STK35: variants seen among roughly 807,000 people sequenced by gnomAD.
STK35 encodes the protein serine/threonine kinase 35.
A neutral mutation model predicts 37.3 loss-of-function variants in STK35; 17 were observed. The ratio of observed to expected loss-of-function variants is 0.46; its 90% confidence interval spans 0.31 to 0.68. The LOEUF is 0.68. Ranked by LOEUF, STK35 falls within the 30% of genes least tolerant of loss-of-function variation. The pLI is 0.05. For missense variants in STK35, 595 were observed against 746.7 expected (o/e 0.80, Z 2.37); for synonymous variants, 385 against 319.1 (o/e 1.21, Z -2.20).
At chr20:2,136,319 G>A (rs900012367) in intron 3 of STK35, among the ~76,000 whole-genome samples, 2 of 152,220 alleles carry the variant, frequency 1.3e-5, no homozygotes, top group Non-Finnish European at 2.9e-5. Flanking sequence ...TGTAATGTCA[G>A]GAAAATCTGT....
intron 2 of STK35, among the ~76,000 whole-genome samples, 182 bp downstream of exon 2, chr20:2,103,547 C>G (rs959602211): frequency 3.3e-5 from 5 of 152,210 alleles, no homozygotes; most frequent in African/African-American, 1.2e-4. Context: ...GTCCTAAGAT[C>G]AGTCCCTGGG....
chr20:2,116,011 T>G (rs1985710329), intron 2 of STK35, among the ~76,000 whole-genome samples: 1 of 151,994 alleles, frequency 6.6e-6, no homozygotes, highest in South Asian at 2.1e-4. Context: ...GATGTACAGC[T>G]TTTGATGGTT....
At position 2,103,004 on chromosome 20, in the gene STK35, G is replaced by A. The variant is rs1340967050; in HGVS notation, c.531G>A (p.Ala177=). The change falls in exon 2 of 4, where the codon GCG becomes GCA. Residue 177 remains alanine, a synonymous_variant. Coordinates refer to ENST00000381482, the MANE Select transcript of STK35 (RefSeq NM_080836.4). ...CGGCCCGGGCCATGGATCCGGTGGC[G>A]GCCGAGGCCCCGGGCGAGGCCTTCC... ...AAAARAMDPV[A]AEAPGEAFLA... 3.5e-6 allele frequency: 5 copies of A among 1,418,024 alleles called. No homozygotes were observed. Among genetic ancestry groups the A allele is most frequent in the Non-Finnish European group, 4.6e-6 (5 of 1,096,532 alleles). The allele number at this position is 1,418,024 out of a possible 1,614,324, so 87.8% of individuals were successfully genotyped here. A position where few individuals can be genotyped will look rare whatever the true frequency, so the allele number is the denominator to read the frequency against.
intron 3 of STK35, among the ~76,000 whole-genome samples, chr20:2,118,180 C>G (rs1422254559): frequency 2.6e-5 from 4 of 152,142 alleles, no homozygotes; most frequent in Non-Finnish European, 5.9e-5. Flanking sequence ...CCATGTCATA[C>G]TTTAGAAGTA....
intron 2 of STK35, among the ~76,000 whole-genome samples, chr20:2,109,152 G>C (rs1301569068): frequency 6.6e-6 from 1 of 152,220 alleles, no homozygotes; most frequent in Non-Finnish European, 1.5e-5. Flanking sequence ...CAGTACAATA[G>C]ATGTTACTTC....
chr20:2,112,830 ACAACTGT>A (rs1985645694), intron 2 of STK35, among the ~76,000 whole-genome samples: 1 of 152,354 alleles, frequency 6.6e-6, no homozygotes, highest in African/African-American at 2.4e-5. Context: ...TTAATCTTAT[ACAACTGT>A]CAGATTATAC....
chr20:2,136,884 T>C (rs940225612), intron 3 of STK35, among the ~76,000 whole-genome samples: 7 of 152,162 alleles, frequency 4.6e-5, no homozygotes, highest in Admixed American at 2.6e-4. Context: ...AGAGTTCCCA[T>C]AGAGACTGGG....
intron 3 of STK35, among the ~76,000 whole-genome samples, chr20:2,128,972 A>C (rs1321588788): frequency 6.6e-6 from 1 of 151,978 alleles, no homozygotes; most frequent in Non-Finnish European, 1.5e-5. Context: ...TTATAAGTGC[A>C]TGCCACCACG....
At chr20:2,120,782 C>T (rs759276486) in intron 3 of STK35, among the ~76,000 whole-genome samples, 4 of 152,234 alleles carry the variant, frequency 2.6e-5, no homozygotes, top group East Asian at 1.9e-4. Flanking sequence ...GCTTAACATT[C>T]GTTCTGTTGG....
At chr20:2,106,813 C>T (rs1417656348) in intron 2 of STK35, among the ~76,000 whole-genome samples, 1 of 152,136 alleles carries the variant, frequency 6.6e-6, no homozygotes, top group African/African-American at 2.4e-5. Context: ...CACGTCCTAC[C>T]CAGAGGCATT....
At chr20:2,118,028 A>G (rs966801571) in intron 3 of STK35, among the ~76,000 whole-genome samples, 1 of 152,218 alleles carries the variant, frequency 6.6e-6, no homozygotes, top group Non-Finnish European at 1.5e-5. Flanking sequence ...AATGTGCATA[A>G]GAGGTAGACA....
intron 3 of STK35, among the ~76,000 whole-genome samples, chr20:2,119,113 T>A (rs1193104902): frequency 6.6e-6 from 1 of 152,244 alleles, no homozygotes; most frequent in Non-Finnish European, 1.5e-5. Context: ...AAACTCCAAG[T>A]TGAACTTGGT....
chr20:2,146,576 T>G lies in STK35; in HGVS notation c.*2830T>G, dbSNP rs1171954527. On this transcript the variant is annotated 3_prime_UTR_variant, in exon 4 of 4. Transcript: ENST00000381482. ...AGCAGGACAGATCGTAGTGCCTTAT[T>G]CCATTGTCCTCCCCTGGCCAGGCCT... 1 of 152,714 alleles carries G rather than the reference T, an allele frequency of 6.5e-6. No homozygotes were observed. The highest frequency in any genetic ancestry group is 1.5e-5 in the Non-Finnish European group (1 of 68,098). The allele number at this position is 152,714 out of a possible 1,614,324, so 9.5% of individuals were successfully genotyped here. A position where few individuals can be genotyped will look rare whatever the true frequency, so the allele number is the denominator to read the frequency against.
chr20:2,103,453 T>TAGGA, intron 2 of STK35, 88 bp downstream of exon 2: 1 of 1,302,152 alleles, frequency 7.7e-7, no homozygotes, highest in Non-Finnish European at 1.1e-6. Context: ...CTGGCCTTCC[T>TAGGA]AGGCCTCAGA....
chr20:2,129,897 CTG>C (rs1280014644), intron 3 of STK35, among the ~76,000 whole-genome samples: 2 of 152,162 alleles, frequency 1.3e-5, no homozygotes, highest in East Asian at 1.9e-4. Flanking sequence ...GCCAGTAAAA[CTG>C]GAGAGAGGCA....
chr20:2,142,665 G>T (rs967450756), intron 3 of STK35, among the ~76,000 whole-genome samples: 5 of 152,206 alleles, frequency 3.3e-5, no homozygotes, highest in Middle Eastern at 3.2e-3. Context: ...GCTGAGGTGG[G>T]AGGATCACTA....
rs1986247530 is a variant in STK35, at chr20:2,145,492, C to T, written c.*1746C>T. 6.6e-6 allele frequency: 1 copy of T among 152,130 alleles called. No homozygotes were observed. Among genetic ancestry groups the T allele is most frequent in the African/African-American group, 2.4e-5 (1 of 41,402 alleles). The allele number at this position is 152,130 out of a possible 1,614,324, so 9.4% of individuals were successfully genotyped here. Reference sequence around the variant, plus strand: ...ATTTGGGAGAGAACAGTGCATCAGGCCAGGCTCAGCAATATGTTTGCTCAC... The same window carrying T: ...ATTTGGGAGAGAACAGTGCATCAGGTCAGGCTCAGCAATATGTTTGCTCAC... On this transcript the variant is annotated 3_prime_UTR_variant, in exon 4 of 4. Coordinates refer to ENST00000381482, the MANE Select transcript of STK35 (RefSeq NM_080836.4).
rs1038097981 is a variant in STK35 at position 2,102,044 on chromosome 20, A to T, written c.163A>T (p.Thr55Ser). Reference protein sequence around the residue: ...ASAAAAEGSATRRARAATSRA... With the variant: ...ASAAAAEGSASRRARAATSRA... ...CGCCGCGGCAGCAGAAGGATCCGCT[A>T]CACGCCGGGCTCGGGCCGCCACCTC... Residue 55 changes from threonine (T) to serine (S), a missense_variant, in exon 1 of 4, where the codon ACA becomes TCA. Physicochemically the swap from Thr to Ser is moderately conservative, Grantham distance 58 (BLOSUM62 1). Around this residue, in one of 3 missense-constraint regions of STK35, gnomAD observed 389 missense variants for 320.0 expected, o/e 1.22. Transcript: ENST00000381482. 6.6e-7 allele frequency: 1 copy of T among 1,525,268 alleles called. No individual in the cohort carries two copies. Among genetic ancestry groups the T allele is most frequent in the African/African-American group, 1.4e-5 (1 of 71,912 alleles). The allele number at this position is 1,525,268 out of a possible 1,614,324, so 94.5% of individuals were successfully genotyped here. A position where few individuals can be genotyped will look rare whatever the true frequency, so the allele number is the denominator to read the frequency against.
At chr20:2,143,312 TAA>T (rs1349458039) in intron 3 of STK35, among the ~76,000 whole-genome samples, 1 of 152,164 alleles carries the variant, frequency 6.6e-6, no homozygotes, top group African/African-American at 2.4e-5. Context: ...TTCTCTTCTG[TAA>T]AACAGGATTA....
Sources: gnomAD v4.1 joint callset for allele counts (sites outside exome capture counted in the v4.1 genomes callset) on GRCh38, gnomAD v4.1.1 for gene constraint, gnomAD v4.1.1 regional missense constraint, MANE v1.5 for transcripts, NCBI Gene and HGNC (gene_info 2026-07-23, HGNC 2026-07-21) for gene names.